The following SEC24D variants were observed in gnomAD, a reference collection of about 807,000 sequenced individuals.
The protein encoded by SEC24D is SEC24 homolog D, COPII component.
A neutral mutation model predicts 116.9 loss-of-function variants in SEC24D; 69 were observed. The ratio of observed to expected loss-of-function variants is 0.59; its 90% CI spans 0.49 to 0.72. The LOEUF is 0.72. SEC24D is among the 30% of genes least tolerant of loss of function. The probability of loss-of-function intolerance (pLI) is 0.00; values close to 1 mark genes in which losing one functional copy is unlikely to be tolerated. For synonymous variants in SEC24D, 405 were observed against 442.8 expected (o/e 0.91, Z 1.07); for missense variants, 1,131 against 1,264.1 (o/e 0.89, Z 1.60).
intron 2 of SEC24D, among the ~76,000 whole-genome samples, chr4:118,832,728 C>A (rs1413585391): frequency 2.6e-5 from 4 of 152,000 alleles, no homozygotes; most frequent in African/African-American, 9.7e-5. Flanking sequence ...ACAGGAAAAG[C>A]TTTTAGGGCC....
chr4:118,788,180 A>G (rs532966930), intron 8 of SEC24D, among the ~76,000 whole-genome samples: 2 of 152,322 alleles, frequency 1.3e-5, no homozygotes, highest in East Asian at 3.9e-4. Context: ...AGTGCTATAC[A>G]TATGAAATCA....
chr4:118,789,730 A>G (rs1002158606), intron 8 of SEC24D, among the ~76,000 whole-genome samples: 1 of 152,104 alleles, frequency 6.6e-6, no homozygotes, highest in Admixed American at 6.5e-5. Context: ...GACTACAGGC[A>G]CGTGCCACCA....
chr4:118,801,027 C>T (rs1437762965), intron 7 of SEC24D, among the ~76,000 whole-genome samples: 4 of 151,924 alleles, frequency 2.6e-5, no homozygotes, highest in African/African-American at 4.8e-5. Context: ...TTTGGAAGGC[C>T]GAGACGGGTG....
rs369195195 is a variant in SEC24D, at chr4:118,739,384, T to C, written c.2239-97A>G. 198 of 1,101,680 alleles carry C rather than the reference T, an allele frequency of 1.8e-4. 1 individual carries two copies. The Middle Eastern group carries it at 5.6e-3, about 31-fold the overall frequency. 68.2% of individuals were successfully genotyped at this position (1,101,680 alleles called of 1,614,324 possible). On this transcript the variant is annotated intron_variant, in intron 17 of 22. Transcript: ENST00000280551. ...GCATTTACAAAACACTGTGTACAGA[T>C]AGATAAAAGACCTCTAACTATTTTT...
At chr4:118,766,982 C>A (rs1207561295) in intron 9 of SEC24D, among the ~76,000 whole-genome samples, 2 of 151,938 alleles carry the variant, frequency 1.3e-5, no homozygotes, top group Non-Finnish European at 2.9e-5. Flanking sequence ...ACAATCTGGT[C>A]TCAATGGGAT....
chr4:118,764,500 T>G (rs1382243447), intron 10 of SEC24D: 1 of 183,838 alleles, frequency 5.4e-6, no homozygotes. Flanking sequence ...GCAGAGGCAC[T>G]GTACGGAACT....
chr4:118,759,299 A>G (rs1165581602), intron 10 of SEC24D, among the ~76,000 whole-genome samples: 1 of 152,172 alleles, frequency 6.6e-6, no homozygotes, highest in Non-Finnish European at 1.5e-5. Context: ...TTCCTTCAAT[A>G]ACTGAGTCCC....
chr4:118,753,610 G>C (rs1006007218), intron 11 of SEC24D, among the ~76,000 whole-genome samples: 2 of 151,772 alleles, frequency 1.3e-5, no homozygotes, highest in African/African-American at 4.8e-5. Context: ...TAGTATTCCT[G>C]TAAGTATAAA....
intron 13 of SEC24D, 106 bp downstream of exon 13, chr4:118,751,890 C>A (rs1435550798): frequency 1.3e-5 from 10 of 798,966 alleles, no homozygotes; most frequent in Non-Finnish European, 6.2e-6. Context: ...TAGTGACCCA[C>A]GTTTTAATGA....
chr4:118,735,173 T>A (rs77868065), intron 19 of SEC24D, among the ~76,000 whole-genome samples: 1,541 of 152,056 alleles, frequency 0.01, 26 homozygotes, highest in African/African-American at 0.035. Flanking sequence ...TCAGAGGAGA[T>A]TGGATTATAG....
intron 22 of SEC24D, among the ~76,000 whole-genome samples, chr4:118,726,216 T>C (rs1725404078): frequency 6.6e-6 from 1 of 152,160 alleles, no homozygotes; most frequent in Non-Finnish European, 1.5e-5. Flanking sequence ...GTAGAACATG[T>C]TGAGCGAGAA....
At chr4:118,817,455 C>T in intron 3 of SEC24D, 43 bp from the exon 4 acceptor site, 1 of 1,559,560 alleles carries the variant, frequency 6.4e-7, no homozygotes, top group Non-Finnish European at 8.7e-7. Flanking sequence ...CACAGCGTCT[C>T]AAGCAAATGG....
At chr4:118,789,677 C>T (rs1434711593) in intron 8 of SEC24D, among the ~76,000 whole-genome samples, 2 of 152,176 alleles carry the variant, frequency 1.3e-5, no homozygotes, top group East Asian at 1.9e-4. Flanking sequence ...CTCTGCCTCC[C>T]GGGTTTAAGT....
rs1726366169 is a variant in SEC24D, at chr4:118,744,040, C to A, written c.1943G>T (p.Gly648Val). 1 of 1,613,048 alleles carries A rather than the reference C, an allele frequency of 6.2e-7. No homozygotes were observed. The highest frequency in any genetic ancestry group is 1.7e-5 in the Admixed American group (1 of 59,892). ...PSQYVDVASL[G>V]LVPQLTGGTL... Reference sequence around the variant, plus strand: ...TCCTCCAGTGAGCTGAGGAACCAGCCCCAGCGAGGCCACGTCCACATACTG... The same window carrying A: ...TCCTCCAGTGAGCTGAGGAACCAGCACCAGCGAGGCCACGTCCACATACTG... Residue 648 changes from glycine to valine, a missense_variant, in exon 15 of 23, where the codon GGG (glycine) becomes GTG (valine). By Grantham distance (109) the Gly-to-Val change is moderately radical. Transcript: ENST00000280551.
intron 22 of SEC24D, among the ~76,000 whole-genome samples, chr4:118,727,329 A>G (rs1176166345): frequency 6.6e-6 from 1 of 152,214 alleles, no homozygotes; most frequent in Non-Finnish European, 1.5e-5. Flanking sequence ...TTCACATATA[A>G]TATTTGAAGC....
chr4:118,816,764 T>C (rs941062358), intron 4 of SEC24D: 7 of 454,736 alleles, frequency 1.5e-5, no homozygotes, highest in African/African-American at 1.0e-4. Context: ...GCATTTCTGT[T>C]GATGTAAATC....
At chr4:118,786,931 G>T (rs577272709) in intron 8 of SEC24D, among the ~76,000 whole-genome samples, 8 of 152,274 alleles carry the variant, frequency 5.3e-5, no homozygotes, top group African/African-American at 1.9e-4. Context: ...TTTAATAAAA[G>T]AATAAAGACT....
chr4:118,819,259 T>C (rs1489852959), intron 3 of SEC24D, among the ~76,000 whole-genome samples: 2 of 152,056 alleles, frequency 1.3e-5, no homozygotes, highest in East Asian at 1.9e-4. Flanking sequence ...CTGCGGGGCG[T>C]GGTGGCTCAT....
At chr4:118,730,828 C>T in intron 21 of SEC24D, 1 of 155,608 alleles carries the variant, frequency 6.4e-6, no homozygotes, top group Non-Finnish European at 1.4e-5. Flanking sequence ...AGTCTGTAGC[C>T]AAACACTTAT....
Sources: gnomAD v4.1 joint callset for allele counts (sites outside exome capture counted in the v4.1 genomes callset) on GRCh38, gnomAD v4.1.1 for gene constraint, MANE v1.5 for transcripts, NCBI Gene and HGNC (gene_info 2026-07-23, HGNC 2026-07-21) for gene names.